SLC9C1: variants seen among roughly 807,000 people sequenced by gnomAD.
SLC9C1 encodes the protein sodium/hydrogen exchanger 10.
SLC9C1 carries 97 observed loss-of-function variants against 140.9 expected under a neutral mutation model. That is an observed-to-expected ratio of 0.69 (90% confidence interval 0.58 to 0.82). The LOEUF (loss-of-function observed/expected upper bound fraction) is 0.82, where lower values mean the gene tolerates loss of function less well. SLC9C1 is among the 40% of genes least tolerant of loss of function. The pLI is 0.00. For missense variants in SLC9C1, 1,340 were observed against 1,389.3 expected, an observed-to-expected ratio of 0.96 and a Z score of 0.56; for synonymous variants, 440 against 442.6, an observed-to-expected ratio of 0.99 and a Z score of 0.07.
chr3:112,234,781 T>G (rs2078937061), intron 12 of SLC9C1, among the ~76,000 whole-genome samples: 2 of 152,162 alleles, frequency 1.3e-5, no homozygotes, highest in African/African-American at 2.4e-5. Flanking sequence ...AAAGATCAGA[T>G]AGTTGTAGAT....
At chr3:112,242,637 C>T (rs1451392696) in intron 11 of SLC9C1, among the ~76,000 whole-genome samples, 2 of 151,926 alleles carry the variant, frequency 1.3e-5, no homozygotes, top group Non-Finnish European at 2.9e-5. Context: ...TGACTATAGT[C>T]AAGAATAATT....
chr3:112,229,490 A>G (rs1380422409), intron 13 of SLC9C1, among the ~76,000 whole-genome samples: 1 of 152,122 alleles, frequency 6.6e-6, no homozygotes, highest in Non-Finnish European at 1.5e-5. Context: ...AATAAAAATT[A>G]CCCTCTTGAC....
chr3:112,280,824 T>C (rs762158980), intron 2 of SLC9C1, 41 bp from the exon 3 acceptor site: 1 of 1,538,904 alleles, frequency 6.5e-7, no homozygotes, highest in Admixed American at 1.8e-5. Context: ...ATGAGATATC[T>C]CATTTATAGA....
intron 23 of SLC9C1, among the ~76,000 whole-genome samples, chr3:112,170,517 G>C (rs1470410398): frequency 6.6e-6 from 1 of 151,872 alleles, no homozygotes; most frequent in Non-Finnish European, 1.5e-5. Flanking sequence ...ATATATTTTA[G>C]ATACAAACCC....
chr3:112,181,297 T>C (rs1348626758), intron 21 of SLC9C1, among the ~76,000 whole-genome samples: 1 of 152,188 alleles, frequency 6.6e-6, no homozygotes, highest in African/African-American at 2.4e-5. Context: ...GGATGAAAAG[T>C]AATGGGAACA....
chr3:112,277,878 A>G lies in SLC9C1; in HGVS notation c.319-18T>C, dbSNP rs764111011. ...AAAAGTATCTGCAAAGAAATTTTAC[A>G]ATTAGAAAAATCAGACTGCTTTTGT... On this transcript the variant is annotated intron_variant, in intron 4 of 28. Transcript: ENST00000305815. 9.5e-6 allele frequency: 15 copies of G among 1,575,524 alleles called. No homozygotes were observed. Among genetic ancestry groups the G allele is most frequent in the Middle Eastern group, 1.8e-4 (1 of 5,674 alleles).
chr3:112,231,691 C>T (rs567011630), intron 12 of SLC9C1, among the ~76,000 whole-genome samples: 5 of 152,112 alleles, frequency 3.3e-5, no homozygotes, highest in South Asian at 2.1e-4. Flanking sequence ...GTCAGTTTTG[C>T]GGGGAGGAGT....
At chr3:112,269,865 A>T in intron 7 of SLC9C1, 51 bp downstream of exon 7, 1 of 1,416,482 alleles carries the variant, frequency 7.1e-7, no homozygotes, top group Non-Finnish European at 9.3e-7. Flanking sequence ...ATATATTTTT[A>T]TTTTGAAGTT....
At chr3:112,267,267 C>A (rs1277040684) in intron 7 of SLC9C1, among the ~76,000 whole-genome samples, 2 of 151,782 alleles carry the variant, frequency 1.3e-5, no homozygotes, top group African/African-American at 2.4e-5. Context: ...GGCAACAGAG[C>A]AAGACTCTGT....
At chr3:112,225,381 A>G (rs777956541) in intron 13 of SLC9C1, among the ~76,000 whole-genome samples, 12 of 152,174 alleles carry the variant, frequency 7.9e-5, no homozygotes, top group Admixed American at 1.3e-4. Context: ...TAAAAGTCCA[A>G]TATCTGGAAG....
chr3:112,270,228 T>C (rs1343409732), intron 6 of SLC9C1, 151 bp from the exon 7 acceptor site: 3 of 675,472 alleles, frequency 4.4e-6, no homozygotes, highest in African/African-American at 3.7e-5. Flanking sequence ...CTGGGACATA[T>C]TGATTTCAAT....
chr3:112,169,290 A>T lies in SLC9C1; in HGVS notation c.2958T>A (p.Phe986Leu), dbSNP rs144423530. The T allele has an allele frequency of 7.6e-3, 12,246 of 1,613,200 alleles. 70 individuals carry two copies. The highest frequency in any genetic ancestry group is 9.0e-3 in the Non-Finnish European group (10,592 of 1,179,640). The change falls in exon 24 of 29, where the codon TTT becomes TTA. Residue 986 changes from phenylalanine (F) to leucine (L), a missense_variant. Phe to Leu is a conservative substitution (Grantham distance 22). Transcript: ENST00000305815. ...FIPKTHLYDA[F>L]EQCSPLIKQK... ...GTTTAATGAGAGGAGAGCATTGCTC[A>T]AAAGCATCATACAAGTGAGTTTTGG...
At chr3:112,151,246 C>A in intron 28 of SLC9C1, 1 of 471,546 alleles carries the variant, frequency 2.1e-6, no homozygotes, top group South Asian at 1.6e-5. Context: ...CATACACACA[C>A]AAATATTTCC....
chr3:112,202,397 G>T lies in SLC9C1; in HGVS notation c.2175C>A (p.Leu725=). The T allele has an allele frequency of 6.3e-7, 1 of 1,592,444 alleles. No individual in the cohort carries two copies. The highest frequency in any genetic ancestry group is 8.6e-7 in the Non-Finnish European group (1 of 1,168,484). Residue 725 remains leucine, a splice_region_variant and synonymous_variant, in exon 18 of 29, where the codon CTC becomes CTA. Transcript: ENST00000305815. ...QFFRILRIFK[L]IAPKLLQIID... is the part of the protein sequence containing the mutation. ...TTATTTGCAGCAACTTTGGTGCTAT[G>T]AGCTGAATTAAACAGGACTTCCATT...
At chr3:112,285,460 T>C (rs373585970) in intron 2 of SLC9C1, among the ~76,000 whole-genome samples, 1 of 152,204 alleles carries the variant, frequency 6.6e-6, no homozygotes, top group South Asian at 2.1e-4. Context: ...AGGCCAGTCC[T>C]GAGCTCCTGA....
chr3:112,215,911 C>T (rs955030455), intron 15 of SLC9C1, among the ~76,000 whole-genome samples: 1 of 152,048 alleles, frequency 6.6e-6, no homozygotes, highest in Admixed American at 6.6e-5. Flanking sequence ...AATCATAAGC[C>T]AAAAGGACAA....
chr3:112,211,366 C>G (rs1035029080), intron 15 of SLC9C1, among the ~76,000 whole-genome samples: 9 of 132,768 alleles, frequency 6.8e-5, no homozygotes, highest in African/African-American at 2.5e-4. Context: ...GGGTGCAGGA[C>G]AGTGGGTGCA....
chr3:112,176,558 A>G (rs1408968946), intron 23 of SLC9C1, among the ~76,000 whole-genome samples: 1 of 152,334 alleles, frequency 6.6e-6, no homozygotes, highest in Middle Eastern at 3.4e-3. Flanking sequence ...CTCACCTTTT[A>G]TACTATAGAT....
At chr3:112,215,030 C>A (rs959792155) in intron 15 of SLC9C1, among the ~76,000 whole-genome samples, 1 of 152,144 alleles carries the variant, frequency 6.6e-6, no homozygotes, top group African/African-American at 2.4e-5. Context: ...TGGGCTTCAT[C>A]CCTGGGATGC....
Sources: gnomAD v4.1 joint callset for allele counts (sites outside exome capture counted in the v4.1 genomes callset) on GRCh38, gnomAD v4.1.1 for gene constraint, MANE v1.5 for transcripts, NCBI Gene and HGNC (gene_info 2026-07-23, HGNC 2026-07-21) for gene names.